R3HDM2: variants seen among roughly 807,000 people sequenced by gnomAD.
R3HDM2 encodes R3H domain-containing protein 2.
R3HDM2 carries 38 observed loss-of-function variants against 124.5 expected under a neutral mutation model. The ratio of observed to expected loss-of-function variants is 0.31; its 90% CI spans 0.24 to 0.40. The LOEUF (loss-of-function observed/expected upper bound fraction) is 0.40. Among genes scored for constraint, R3HDM2 ranks in the 10% least tolerant of loss-of-function variants. R3HDM2 has a pLI of 1.00. For synonymous variants in R3HDM2, 391 were observed against 448.0 expected (o/e 0.87, Z 1.61); for missense variants, 869 against 1,236.9 (o/e 0.70, Z 4.46).
chr12:57,269,431 G>A lies in R3HDM2; in HGVS notation c.1606C>T (p.Pro536Ser). 6.2e-7 allele frequency: 1 copy of A among 1,614,094 alleles called. No individual in the cohort carries two copies. Among genetic ancestry groups the A allele is most frequent in the Non-Finnish European group, 8.5e-7 (1 of 1,179,996 alleles). Reference sequence around the variant, plus strand: ...TTGGAGTTAGGATATTGTCCAGGGGGATAGTAAGAAACCTGGATCTATGGT... The same window carrying A: ...TTGGAGTTAGGATATTGTCCAGGGGAATAGTAAGAAACCTGGATCTATGGT... ...PPQQIQVSYY[P>S]PGQYPNSNQQ... Residue 536 changes from proline (P) to serine (S), a missense_variant, in exon 16 of 24, where the codon CCC becomes TCC. By Grantham distance (74) the Pro-to-Ser change is moderately conservative. Coordinates refer to ENST00000402412, the MANE Select transcript of R3HDM2 (RefSeq NM_001394031.1).
chr12:57,344,775 T>G (rs943517544), intron 2 of R3HDM2, among the ~76,000 whole-genome samples: 5 of 151,936 alleles, frequency 3.3e-5, no homozygotes, highest in African/African-American at 1.2e-4. Context: ...AGGTATCAAA[T>G]GTGAACACTG....
At chr12:57,307,718 C>T (rs2052999473) in intron 3 of R3HDM2, among the ~76,000 whole-genome samples, 1 of 151,536 alleles carries the variant, frequency 6.6e-6, no homozygotes, top group Admixed American at 6.6e-5. Flanking sequence ...CCTCTGCCTC[C>T]CGGGTTCAAG....
chr12:57,421,311 CCGGCTAAT>C (rs1434056433), intron 1 of R3HDM2, among the ~76,000 whole-genome samples: 1 of 150,534 alleles, frequency 6.6e-6, no homozygotes, highest in East Asian at 1.9e-4. Flanking sequence ...ACAACCACTC[CCGGCTAAT>C]TTTGTATTTT....
At chr12:57,354,291 G>A (rs1030753902) in intron 2 of R3HDM2, among the ~76,000 whole-genome samples, 1 of 151,122 alleles carries the variant, frequency 6.6e-6, no homozygotes, top group African/African-American at 2.4e-5. Flanking sequence ...TGTTTGATGG[G>A]TTTTTTTTCT....
At chr12:57,279,632 T>C (rs945064243) in intron 14 of R3HDM2, among the ~76,000 whole-genome samples, 1 of 151,610 alleles carries the variant, frequency 6.6e-6, no homozygotes, top group African/African-American at 2.4e-5. Context: ...AGCAAGACCC[T>C]ATCTCAAAAT....
At chr12:57,347,898 C>CT (rs1434286142) in intron 2 of R3HDM2, among the ~76,000 whole-genome samples, 2 of 151,982 alleles carry the variant, frequency 1.3e-5, no homozygotes, top group Admixed American at 1.3e-4. Context: ...AAACTAGTTC[C>CT]TTCAAAGGAT....
At chr12:57,337,346 T>G (rs1348811150) in intron 2 of R3HDM2, among the ~76,000 whole-genome samples, 1 of 151,950 alleles carries the variant, frequency 6.6e-6, no homozygotes, top group Non-Finnish European at 1.5e-5. Flanking sequence ...AGAGTCTGGA[T>G]CTCCCTATCT....
At chr12:57,314,889 G>A (rs2054697480) in intron 2 of R3HDM2, among the ~76,000 whole-genome samples, 1 of 152,010 alleles carries the variant, frequency 6.6e-6, no homozygotes, top group African/African-American at 2.4e-5. Context: ...TTGAGACAGG[G>A]TTTCACTCTG....
At chr12:57,384,262 G>A (rs1264672649) in intron 2 of R3HDM2, among the ~76,000 whole-genome samples, 2 of 151,824 alleles carry the variant, frequency 1.3e-5, no homozygotes, top group Non-Finnish European at 2.9e-5. Context: ...GCTGAGGCAG[G>A]AGAATGGCGT....
At chr12:57,350,053 T>C (rs780806671) in intron 2 of R3HDM2, among the ~76,000 whole-genome samples, 14 of 151,914 alleles carry the variant, frequency 9.2e-5, no homozygotes, top group Non-Finnish European at 1.6e-4. Flanking sequence ...CTACTAAAAA[T>C]ACAAAAATCA....
chr12:57,298,243 C>T lies in R3HDM2; in HGVS notation c.422-75G>A, dbSNP rs1031095328. 6 of 1,127,698 alleles carry T rather than the reference C, an allele frequency of 5.3e-6. No individual in the cohort carries two copies. In the Admixed American group the frequency reaches 1.3e-4, roughly 25 times the overall value. The allele number at this position is 1,127,698 out of a possible 1,614,324, so 69.9% of individuals were successfully genotyped here. On this transcript the variant is annotated intron_variant, in intron 6 of 23. Transcript: ENST00000402412. ...TGCTATCTAATCCTAAGCAGAAGTC[C>T]ACAACCTAACCAGGAGAAAAAAGAA...
chr12:57,423,554 T>G (rs866537834), intron 1 of R3HDM2, among the ~76,000 whole-genome samples: 3 of 149,778 alleles, frequency 2.0e-5, no homozygotes, highest in Non-Finnish European at 4.5e-5. Flanking sequence ...GCGTGGTGCC[T>G]CATGCCCAGC....
intron 2 of R3HDM2, among the ~76,000 whole-genome samples, chr12:57,369,540 T>C (rs1252623642): frequency 6.6e-6 from 1 of 152,228 alleles, no homozygotes; most frequent in African/African-American, 2.4e-5. Context: ...TTTTTGTACA[T>C]TCAATTTGTA....
At chr12:57,382,814 C>T (rs1423400203) in intron 2 of R3HDM2, among the ~76,000 whole-genome samples, 2 of 151,456 alleles carry the variant, frequency 1.3e-5, no homozygotes, top group East Asian at 2.0e-4. Context: ...CCAGCCTGGG[C>T]GACAGAGAGA....
At chr12:57,344,981 T>G (rs2137062202) in intron 2 of R3HDM2, among the ~76,000 whole-genome samples, 1 of 152,226 alleles carries the variant, frequency 6.6e-6, no homozygotes, top group East Asian at 1.9e-4. Flanking sequence ...ATTACAGGCA[T>G]GCACCACCAT....
intron 2 of R3HDM2, among the ~76,000 whole-genome samples, chr12:57,329,636 C>T (rs898475663): frequency 6.6e-6 from 1 of 152,028 alleles, no homozygotes; most frequent in African/African-American, 2.4e-5. Flanking sequence ...CATATTCCCA[C>T]GTCAAATTGA....
chr12:57,293,367 G>A (rs1345298132), intron 10 of R3HDM2, among the ~76,000 whole-genome samples: 1 of 152,008 alleles, frequency 6.6e-6, no homozygotes, highest in Non-Finnish European at 1.5e-5. Context: ...AGAAAGAGGG[G>A]CAGAGAAAGG....
intron 1 of R3HDM2, among the ~76,000 whole-genome samples, chr12:57,400,242 C>G (rs566288921): frequency 1.3e-5 from 2 of 152,242 alleles, no homozygotes; most frequent in African/African-American, 4.8e-5. Context: ...CCATGGAATA[C>G]TATGCAGCCA....
chr12:57,285,276 A>G (rs2047072052), intron 12 of R3HDM2, among the ~76,000 whole-genome samples: 1 of 152,178 alleles, frequency 6.6e-6, no homozygotes, highest in South Asian at 2.1e-4. Flanking sequence ...ACCTTTCTTT[A>G]TTAGAATACC....
Sources: allele counts gnomAD v4.1 joint callset (sites outside exome capture counted in the v4.1 genomes callset), GRCh38; gene constraint gnomAD v4.1.1; transcripts MANE v1.5; gene names NCBI Gene and HGNC (gene_info 2026-07-23, HGNC 2026-07-21).